The following RELN variants were observed in gnomAD, a reference collection of about 807,000 sequenced individuals.
The protein encoded by RELN is reelin.
Under a neutral mutation model 427.6 loss-of-function variants are expected in RELN, and 108 were observed. That is an observed-to-expected ratio of 0.25 (90% CI 0.22 to 0.30). The LOEUF is 0.30. Among genes scored for constraint, RELN ranks in the 10% least tolerant of loss-of-function variants. The pLI is 1.00. For missense variants in RELN, 3,715 were observed against 4,302.8 expected (o/e 0.86, Z 3.82); for synonymous variants, 1,524 against 1,513.4 (o/e 1.01, Z -0.16).
At chr7:103,502,888 C>T in intron 52 of RELN, 128 bp downstream of exon 52, 1 of 806,374 alleles carries the variant, frequency 1.2e-6, no homozygotes, top group Non-Finnish European at 2.1e-6. Context: ...ATTAGAGAAC[C>T]TTTAGAGTTA....
chr7:103,601,513 A>G (rs1429068866), intron 24 of RELN, among the ~76,000 whole-genome samples: 1 of 152,030 alleles, frequency 6.6e-6, no homozygotes, highest in African/African-American at 2.4e-5. Context: ...CCTGTAGCAT[A>G]TCACTCACAC....
At chr7:103,505,859 C>T (rs532091299) in intron 51 of RELN, among the ~76,000 whole-genome samples, 2 of 152,270 alleles carry the variant, frequency 1.3e-5, no homozygotes, top group South Asian at 4.1e-4. Context: ...GTTAGAGGGA[C>T]TGCTAACTAG....
chr7:103,604,835 T>C (rs1396429442), intron 22 of RELN, among the ~76,000 whole-genome samples: 1 of 150,842 alleles, frequency 6.6e-6, no homozygotes. Context: ...ATCTTTCTTT[T>C]TTTTTTTTTT....
Position 103,604,334 on chromosome 7 carries a change from T to C in RELN, c.3146+12A>G, listed in dbSNP as rs1309611284. The stretch of plus-strand genomic sequence containing the variant: ...GAAGCATGGACCTCATCGTGCTTTC[T>C]GGTGCACATACCTGCATATGCCATG... On this transcript the variant is annotated intron_variant, in intron 23 of 64. Transcript: ENST00000428762. 6.2e-7 allele frequency: 1 copy of C among 1,613,776 alleles called. No homozygotes were observed. The highest frequency in any genetic ancestry group is 8.5e-7 in the Non-Finnish European group (1 of 1,179,784).
intron 56 of RELN, 56 bp downstream of exon 56, chr7:103,496,470 C>G (rs1050755809): frequency 6.2e-7 from 1 of 1,609,928 alleles, no homozygotes; most frequent in Admixed American, 1.7e-5. Flanking sequence ...TATCTGAAGA[C>G]ATAAGCAGAA....
intron 9 of RELN, among the ~76,000 whole-genome samples, chr7:103,699,231 T>G (rs956191260): frequency 6.6e-6 from 1 of 152,160 alleles, no homozygotes; most frequent in South Asian, 2.1e-4. Flanking sequence ...TTGAAAGGAC[T>G]AGAGAAGAGC....
chr7:103,496,973 G>A (rs931630062), intron 55 of RELN, among the ~76,000 whole-genome samples: 5 of 152,120 alleles, frequency 3.3e-5, no homozygotes, highest in Admixed American at 6.5e-5. Flanking sequence ...AGGATATTTC[G>A]AAAGAGTTGG....
At chr7:103,542,311 T>C (rs1033591010) in intron 43 of RELN, among the ~76,000 whole-genome samples, 3 of 152,246 alleles carry the variant, frequency 2.0e-5, no homozygotes, top group Admixed American at 1.3e-4. Context: ...TTTGAAGATA[T>C]ACTGCATTTC....
chr7:103,577,558 C>CAAAAAAAAAAA (rs11323336), intron 28 of RELN, among the ~76,000 whole-genome samples: 1 of 113,604 alleles, frequency 8.8e-6, no homozygotes, highest in Non-Finnish European at 1.8e-5. Context: ...AAAGCAAAAG[C>CAAAAAAAAAAA]AAAAAAAAAA....
intron 12 of RELN, among the ~76,000 whole-genome samples, chr7:103,656,878 T>C (rs6943069): frequency 0.34 from 52,266 of 151,608 alleles, 9,068 homozygotes; most frequent in South Asian, 0.41. Flanking sequence ...TTAACAACAT[T>C]TTCAGGTATA....
chr7:103,565,278 A>T lies in RELN; in HGVS notation c.5210T>A (p.Ile1737Asn), dbSNP rs202116849. 6 of 1,614,022 alleles carry T rather than the reference A, an allele frequency of 3.7e-6. No homozygotes were observed. The African/African-American group carries it at 8.0e-5, about 22-fold the overall frequency. ...CATGTAGCCAAATGACAATTCTCAC[A>T]TGGTGGAGAGTGGAAGGTAGACAGT... ...RITVYLPLST[I>N]SPRTRFRWIQ... Residue 1737 changes from isoleucine (I) to asparagine (N), a missense_variant and splice_region_variant, in exon 34 of 65, where the codon ATT becomes AAT. This residue lies in a region of RELN where 2,208 missense variants were observed against 2,361.7 expected (regional missense o/e 0.93). Transcript: ENST00000428762.
chr7:103,631,343 G>C (rs1390054419), intron 19 of RELN, among the ~76,000 whole-genome samples: 1 of 130,246 alleles, frequency 7.7e-6, no homozygotes, highest in African/African-American at 3.0e-5. Context: ...GCCCAGGCTG[G>C]AGTGCAATGG....
At chr7:103,711,799 G>A (rs1019651749) in intron 8 of RELN, among the ~76,000 whole-genome samples, 20 of 152,214 alleles carry the variant, frequency 1.3e-4, no homozygotes, top group Admixed American at 3.3e-4. Context: ...TGGGATTGCA[G>A]GCACCCGCCA....
chr7:103,499,394 A>G (rs556483048), intron 53 of RELN, among the ~76,000 whole-genome samples: 10 of 152,318 alleles, frequency 6.6e-5, no homozygotes, highest in African/African-American at 1.9e-4. Context: ...CATTCTGTCT[A>G]CAGTACTTTC....
intron 1 of RELN, among the ~76,000 whole-genome samples, chr7:103,965,160 C>A (rs1796636603): frequency 6.6e-6 from 1 of 152,132 alleles, no homozygotes; most frequent in African/African-American, 2.4e-5. Flanking sequence ...CTTGCATAGA[C>A]CTTAAGGCCA....
intron 2 of RELN, among the ~76,000 whole-genome samples, chr7:103,857,786 G>T (rs1187461388): frequency 6.6e-6 from 1 of 152,146 alleles, no homozygotes; most frequent in Non-Finnish European, 1.5e-5. Flanking sequence ...TGGTAAACAG[G>T]CTTGGCATGA....
intron 19 of RELN, among the ~76,000 whole-genome samples, chr7:103,633,974 C>G (rs1832524815): frequency 6.6e-6 from 1 of 152,070 alleles, no homozygotes; most frequent in South Asian, 2.1e-4. Context: ...CCCAATACAG[C>G]TGGTGCATTC....
rs544695818 is a variant in RELN, at chr7:103,869,066, A to G, written c.338-35394T>C. Among the ~76,000 whole-genome samples the G allele has an allele frequency of 2.6e-5, 4 of 152,148 alleles. No individual in the cohort carries two copies. The South Asian group carries it at 8.3e-4, about 32-fold the overall frequency. On this transcript the variant is annotated intron_variant, in intron 2 of 64. Coordinates refer to ENST00000428762, the MANE Select transcript of RELN (RefSeq NM_005045.4). ...TATCGATATGGTTGGGTTTAAGTTC[A>G]ATGCTTTTTATTTGTTCCCTCTGTG...
chr7:103,611,922 C>A, intron 20 of RELN, 119 bp from the exon 21 acceptor site: 2 of 798,086 alleles, frequency 2.5e-6, no homozygotes, highest in African/African-American at 1.7e-5. Flanking sequence ...TAAACCTTGC[C>A]AAATTCTAGA....
Sources: allele counts gnomAD v4.1 joint callset (sites outside exome capture counted in the v4.1 genomes callset), GRCh38; gene constraint gnomAD v4.1.1; regional missense constraint gnomAD v4.1.1; transcripts MANE v1.5; gene names NCBI Gene and HGNC (gene_info 2026-07-23, HGNC 2026-07-21).